Variants in BICRAL observed in about 807,000 individuals in gnomAD.
BICRAL encodes the protein BRD4-interacting chromatin-remodeling complex-associated protein-like.
Under a neutral mutation model 91.8 loss-of-function variants are expected in BICRAL, and 8 were observed. The ratio of observed to expected loss-of-function variants is 0.09; its 90% CI spans 0.05 to 0.16. BICRAL has a LOEUF of 0.16. BICRAL is among the 10% of genes least tolerant of loss of function. The pLI is 1.00. For synonymous variants in BICRAL, 445 were observed against 491.1 expected (o/e 0.91, Z 1.24); for missense variants, 1,038 against 1,310.9 (o/e 0.79, Z 3.21).
chr6:42,793,048 G>A (rs1054942759), intron 1 of BICRAL, among the ~76,000 whole-genome samples: 9 of 148,312 alleles, frequency 6.1e-5, no homozygotes, highest in African/African-American at 1.7e-4. Flanking sequence ...TCCACCTCCC[G>A]GGTTTAAGTG....
intron 1 of BICRAL, among the ~76,000 whole-genome samples, chr6:42,768,422 T>G (rs573568281): frequency 2.0e-5 from 3 of 152,296 alleles, no homozygotes; most frequent in African/African-American, 7.2e-5. Context: ...TTTGGTGGGT[T>G]GTTGTTCTCT....
At position 42,755,836 on chromosome 6, in the gene BICRAL, A is replaced by AT. The variant is rs1275067785; in HGVS notation, c.-261+8823dup. ...AGGCGCACGCCGCCACGCCCGGCTA[A>AT]TTTTTTTTTTGTATTTTAGTAGAGA... On this transcript the variant is annotated intron_variant, in intron 1 of 14. Transcript: ENST00000614467. 5.3e-3 allele frequency among the ~76,000 whole-genome samples: 791 copies of AT among 149,674 alleles called. 6 individuals are homozygous for AT. Among genetic ancestry groups the AT allele is most frequent in the Non-Finnish European group, 9.5e-3 (635 of 67,174 alleles).
chr6:42,766,261 G>A (rs1033800425), intron 1 of BICRAL, among the ~76,000 whole-genome samples: 1 of 151,840 alleles, frequency 6.6e-6, no homozygotes, highest in African/African-American at 2.4e-5. Context: ...CCCAGAGCTG[G>A]GGCTTTTCCA....
chr6:42,851,383 A>G lies in BICRAL; in HGVS notation c.1840-709A>G, dbSNP rs140317817. On this transcript the variant is annotated intron_variant, in intron 6 of 12. Coordinates refer to ENST00000314073, the MANE Select transcript of BICRAL (RefSeq NM_001393499.1). The stretch of plus-strand genomic sequence containing the variant: ...AAAAATAATAATAATAAAATACGTT[A>G]TGAGATAACATAAGTTTTTTTTAAG... 3.9e-3 allele frequency among the ~76,000 whole-genome samples: 594 copies of G among 152,260 alleles called. 4 individuals carry two copies. The highest frequency in any genetic ancestry group is 0.013 in the African/African-American group (559 of 41,566).
intron 6 of BICRAL, among the ~76,000 whole-genome samples, chr6:42,832,039 A>G (rs1232384392): frequency 2.6e-5 from 4 of 151,686 alleles, no homozygotes; most frequent in Non-Finnish European, 4.4e-5. Flanking sequence ...GTGCTCAGCC[A>G]ATATCAATCT....
At chr6:42,770,772 C>T (rs577879142) in intron 1 of BICRAL, among the ~76,000 whole-genome samples, 4 of 151,704 alleles carry the variant, frequency 2.6e-5, no homozygotes, top group Non-Finnish European at 5.9e-5. Context: ...CTCACTGTAG[C>T]CTCCACCTCC....
At position 42,864,722 on chromosome 6, in the gene BICRAL, T is replaced by C; in HGVS notation, c.2516T>C (p.Phe839Ser). The C allele has an allele frequency of 6.2e-7, 1 of 1,614,170 alleles. No homozygotes were observed. The highest frequency in any genetic ancestry group is 1.7e-5 in the Admixed American group (1 of 60,026). Residue 839 changes from phenylalanine to serine, a missense_variant, in exon 13 of 13, where the codon TTT (phenylalanine) becomes TCT (serine). By Grantham distance (155) the Phe-to-Ser change is radical. Transcript: ENST00000314073. ...GATAAAGCTGCTCATGAGACACAGT[T>C]TGGCCGGAGTGACCAGCATGGCAGT... ...KLDKAAHETQ[F>S]GRSDQHGSKA... is the part of the protein sequence containing the mutation.
intron 5 of BICRAL, among the ~76,000 whole-genome samples, chr6:42,824,588 C>T (rs936188315): frequency 6.6e-5 from 10 of 152,166 alleles, no homozygotes; most frequent in Non-Finnish European, 1.0e-4. Flanking sequence ...AAGTGATCCC[C>T]GCCCCATTAC....
intron 1 of BICRAL, among the ~76,000 whole-genome samples, chr6:42,787,035 CAG>C (rs141377906): frequency 0.014 from 2,133 of 152,142 alleles, 46 homozygotes; most frequent in African/African-American, 0.049. Context: ...AGAGAGGAAA[CAG>C]GGAAGTTAGG....
chr6:42,867,838 G>A lies in BICRAL; in HGVS notation c.*2392G>A, dbSNP rs1765756784. The A allele has an allele frequency of 2.0e-5, 3 of 152,176 alleles. 1 individual carries two copies. The South Asian group carries it at 6.2e-4, about 31-fold the overall frequency. The allele number at this position is 152,176 out of a possible 1,614,324, so 9.4% of individuals were successfully genotyped here. ...CTTGTAAATTTTTGTGTCATTGTAT[G>A]TAAGTTTACTTTTTATGGAGGAAGG... is the stretch of plus-strand genomic sequence containing the variant. On this transcript the variant is annotated 3_prime_UTR_variant, in exon 13 of 13. Coordinates refer to ENST00000314073, the MANE Select transcript of BICRAL (RefSeq NM_001393499.1).
intron 1 of BICRAL, among the ~76,000 whole-genome samples, chr6:42,748,224 G>C (rs190218150): frequency 2.4e-4 from 37 of 151,346 alleles, no homozygotes; most frequent in Admixed American, 2.0e-3. Context: ...TGCAATAGCT[G>C]CTTTATTTTA....
chr6:42,838,206 C>T (rs961461861), intron 6 of BICRAL, among the ~76,000 whole-genome samples: 1 of 152,152 alleles, frequency 6.6e-6, no homozygotes, highest in South Asian at 2.1e-4. Flanking sequence ...GGCCTAATAA[C>T]GCCCTTTACA....
chr6:42,819,444 C>T (rs559585478), intron 2 of BICRAL, among the ~76,000 whole-genome samples: 1 of 152,104 alleles, frequency 6.6e-6, no homozygotes, highest in African/African-American at 2.4e-5. Flanking sequence ...TGCCACCATG[C>T]CTGGCTAATT....
intron 1 of BICRAL, among the ~76,000 whole-genome samples, chr6:42,789,184 G>C (rs115932025): frequency 6.6e-6 from 1 of 152,168 alleles, no homozygotes; most frequent in Non-Finnish European, 1.5e-5. Flanking sequence ...TCTAAAGCTG[G>C]ATAGGGCTCT....
intron 12 of BICRAL, 152 bp from the exon 13 acceptor site, chr6:42,864,507 A>G (rs1765649814): frequency 3.1e-6 from 2 of 648,754 alleles, no homozygotes; most frequent in Non-Finnish European, 5.3e-6. Flanking sequence ...TCTCAGGATC[A>G]GGGTCCTGCT....
At chr6:42,774,717 G>T (rs1309222123) in intron 1 of BICRAL, among the ~76,000 whole-genome samples, 1 of 152,136 alleles carries the variant, frequency 6.6e-6, no homozygotes. Flanking sequence ...AGGAAAGAAA[G>T]AATTATATGG....
intron 6 of BICRAL, among the ~76,000 whole-genome samples, chr6:42,835,549 T>TAA (rs75875509): frequency 6.8e-4 from 99 of 145,132 alleles, no homozygotes; most frequent in African/African-American, 2.4e-3. Context: ...TAAACCATTG[T>TAA]AAAAAAAAAA....
chr6:42,751,377 T>C (rs752069878), intron 1 of BICRAL, among the ~76,000 whole-genome samples: 5 of 152,224 alleles, frequency 3.3e-5, no homozygotes, highest in Admixed American at 2.0e-4. Context: ...ACAGTCTGCA[T>C]TTTGCTGGTT....
intron 1 of BICRAL, among the ~76,000 whole-genome samples, chr6:42,802,395 T>TA (rs1400958577): frequency 1.3e-5 from 2 of 150,676 alleles, no homozygotes; most frequent in East Asian, 3.9e-4. Flanking sequence ...AAGTAAGACT[T>TA]ACTTTTGGCT....
Sources: allele counts gnomAD v4.1 joint callset (sites outside exome capture counted in the v4.1 genomes callset), GRCh38; gene constraint gnomAD v4.1.1; transcripts MANE v1.5; gene names NCBI Gene and HGNC (gene_info 2026-07-23, HGNC 2026-07-21).